Variants in PKIB observed in about 807,000 individuals in gnomAD.
PKIB encodes PKI-beta.
A neutral mutation model predicts 4.5 loss-of-function variants in PKIB; 2 were observed. That is an observed-to-expected ratio of 0.44 (90% CI 0.18 to 1.39). PKIB has a LOEUF of 1.39. Ranked by LOEUF, PKIB falls within the 40% of genes most tolerant of loss-of-function variation. PKIB has a pLI of 0.27. For missense variants in PKIB, 94 were observed against 92.6 expected (o/e 1.02, Z -0.06); for synonymous variants, 38 against 36.0 (o/e 1.06, Z -0.20).
At chr6:122,489,569 C>T (rs1202898064) in intron 2 of PKIB, among the ~76,000 whole-genome samples, 1 of 152,186 alleles carries the variant, frequency 6.6e-6, no homozygotes, top group East Asian at 1.9e-4. Context: ...GGATTCTCTC[C>T]TTTTAAAATA....
At chr6:122,630,249 T>TCAAATAGCA (rs1483349749) in intron 1 of PKIB, among the ~76,000 whole-genome samples, 9 of 152,258 alleles carry the variant, frequency 5.9e-5, no homozygotes, top group Admixed American at 2.6e-4. Flanking sequence ...GTAGCATTAT[T>TCAAATAGCA]TATAATATTC....
chr6:122,508,301 G>A (rs943317471), intron 2 of PKIB, among the ~76,000 whole-genome samples: 9 of 152,184 alleles, frequency 5.9e-5, no homozygotes, highest in Non-Finnish European at 8.8e-5. Flanking sequence ...ATGTAGGAAC[G>A]TGGGTGACGT....
intron 2 of PKIB, among the ~76,000 whole-genome samples, chr6:122,647,332 T>A (rs1388005365): frequency 6.6e-6 from 1 of 152,202 alleles, no homozygotes; most frequent in East Asian, 1.9e-4. Context: ...ATAAAATTCC[T>A]TCACACAAAC....
At chr6:122,543,217 C>A (rs902220482) in intron 2 of PKIB, among the ~76,000 whole-genome samples, 6 of 152,040 alleles carry the variant, frequency 3.9e-5, no homozygotes, top group Admixed American at 3.9e-4. Flanking sequence ...TGTGCTGCAC[C>A]CACTGTCTGG....
chr6:122,662,334 T>TTTTTTTTTTTTTTTTTTTTG (rs1233506373), intron 2 of PKIB, among the ~76,000 whole-genome samples: 1 of 136,234 alleles, frequency 7.3e-6, no homozygotes. Context: ...TTTTTTTTTT[T>TTTTTTTTTTTTTTTTTTTTG]TTTGGAGATT....
intron 2 of PKIB, among the ~76,000 whole-genome samples, chr6:122,562,024 T>TATG: frequency 1.4e-5 from 2 of 147,832 alleles, no homozygotes; most frequent in Non-Finnish European, 3.0e-5. Flanking sequence ...TTTTTTGCTT[T>TATG]TTAACTTGTA....
chr6:122,662,804 G>T (rs1777062422), intron 2 of PKIB, among the ~76,000 whole-genome samples: 1 of 152,146 alleles, frequency 6.6e-6, no homozygotes, highest in Non-Finnish European at 1.5e-5. Context: ...TTTAGAGAGG[G>T]TATATAACTT....
At chr6:122,679,264 A>G (rs1777808047) in intron 3 of PKIB, among the ~76,000 whole-genome samples, 2 of 152,194 alleles carry the variant, frequency 1.3e-5, no homozygotes, top group Admixed American at 1.3e-4. Flanking sequence ...TAAGTCCTGA[A>G]TGGAGGGTAG....
exon 3 of PKIB, chr6:122,585,990 A>G (rs1053095304): frequency 8.5e-5 from 13 of 152,162 alleles, no homozygotes; most frequent in African/African-American, 2.4e-4. Context: ...ACTTGGACAT[A>G]CATACTTCCT....
At chr6:122,662,078 A>G (rs1055718333) in intron 2 of PKIB, among the ~76,000 whole-genome samples, 12 of 152,008 alleles carry the variant, frequency 7.9e-5, no homozygotes, top group Admixed American at 5.9e-4. Context: ...GTAGTTCTAT[A>G]TATACTTAAC....
At chr6:122,526,979 C>T (rs552018220) in intron 2 of PKIB, among the ~76,000 whole-genome samples, 34 of 152,246 alleles carry the variant, frequency 2.2e-4, no homozygotes, top group East Asian at 7.7e-4. Context: ...ATCTTGGCTA[C>T]GTCTTCTGGA....
intron 4 of PKIB, 92 bp downstream of exon 4, chr6:122,718,055 G>T: frequency 7.5e-7 from 1 of 1,336,528 alleles, no homozygotes; most frequent in Non-Finnish European, 1.0e-6. Flanking sequence ...CTAGTTAAAA[G>T]TGCTCAGTTT....
At chr6:122,636,482 G>A (rs1775922483) in intron 2 of PKIB, among the ~76,000 whole-genome samples, 1 of 151,834 alleles carries the variant, frequency 6.6e-6, no homozygotes, top group African/African-American at 2.4e-5. Flanking sequence ...AACTATTAAA[G>A]AAATGTACAA....
intron 1 of PKIB, among the ~76,000 whole-genome samples, chr6:122,611,417 C>A (rs1341923795): frequency 6.6e-6 from 1 of 152,088 alleles, no homozygotes; most frequent in African/African-American, 2.4e-5. Context: ...AAACAACAAA[C>A]AAACAACAAA....
At chr6:122,514,839 A>G (rs1346359315) in intron 2 of PKIB, among the ~76,000 whole-genome samples, 1 of 152,208 alleles carries the variant, frequency 6.6e-6, no homozygotes, top group Non-Finnish European at 1.5e-5. Flanking sequence ...TTTATAATCT[A>G]TATGTAAGCC....
rs79586746 is a variant in PKIB at position 122,594,211 on chromosome 6, CT to C, written c.-161+8219del. On this transcript the variant is annotated intron_variant, in intron 3 of 6. Transcript: ENST00000392491. ...AAGGAGAAAGGAAATAAAATTAAGACTTTTTTTTTTTTTTTAAGATGGAGTC... is the reference window on the plus strand; with the variant it reads ...AAGGAGAAAGGAAATAAAATTAAGACTTTTTTTTTTTTTTAAGATGGAGTC... Among the ~76,000 whole-genome samples the C allele has an allele frequency of 4.4e-3, 628 of 142,362 alleles. 1 individual carries two copies. Among genetic ancestry groups the C allele is most frequent in the African/African-American group, 5.4e-3 (209 of 38,772 alleles). The allele number at this position is 142,362 out of a possible 152,430, so 93.4% of individuals were successfully genotyped here.
intron 2 of PKIB, among the ~76,000 whole-genome samples, chr6:122,576,689 A>AATATAT (rs1334771841): frequency 0.03 from 1,040 of 34,122 alleles, 99 homozygotes; most frequent in Middle Eastern, 0.071. Context: ...AAAAAAAAAA[A>AATATAT]ATATATATAT....
intron 3 of PKIB, among the ~76,000 whole-genome samples, chr6:122,687,932 A>T (rs543011302): frequency 1.1e-3 from 163 of 151,780 alleles, no homozygotes; most frequent in Non-Finnish European, 2.0e-3. Context: ...TCCAATTTGG[A>T]TGTCCTTTTT....
At chr6:122,633,929 CCTATCTATCTATCTAT>C (rs61254507) in intron 2 of PKIB, among the ~76,000 whole-genome samples, 21 of 145,976 alleles carry the variant, frequency 1.4e-4, no homozygotes, top group African/African-American at 4.6e-4. Flanking sequence ...AGATATCTGT[CCTATCTATCTATCTAT>C]CTATCTATCT....
Sources: allele counts gnomAD v4.1 joint callset (sites outside exome capture counted in the v4.1 genomes callset), GRCh38; gene constraint gnomAD v4.1.1; transcripts MANE v1.5; gene names NCBI Gene and HGNC (gene_info 2026-07-23, HGNC 2026-07-21).